NGEF: variants seen among roughly 807,000 people sequenced by gnomAD.
The protein encoded by NGEF is neuronal guanine nucleotide exchange factor, also known as ephexin-1.
Under a neutral mutation model 80.9 loss-of-function variants are expected in NGEF, and 31 were observed. The ratio of observed to expected loss-of-function variants is 0.38; its 90% CI spans 0.29 to 0.52. The LOEUF (loss-of-function observed/expected upper bound fraction) is 0.52. Ranked by LOEUF, NGEF falls within the 20% of genes least tolerant of loss-of-function variation. The pLI is 0.84. For missense variants in NGEF, 709 were observed against 926.2 expected, an observed-to-expected ratio of 0.77 and a Z score of 3.04; for synonymous variants, 371 against 370.2, an observed-to-expected ratio of 1.00 and a Z score of -0.03.
intron 1 of NGEF, among the ~76,000 whole-genome samples, chr2:233,001,345 G>A (rs1694974113): frequency 6.6e-6 from 1 of 152,208 alleles, no homozygotes; most frequent in Admixed American, 6.5e-5. Flanking sequence ...TCTCAAGTGT[G>A]CAGTGCTAGA....
In NGEF at chr2:232,917,527, C is replaced by T. The variant is rs1008170506; in HGVS notation, c.828+2757G>A. Among the ~76,000 whole-genome samples, 8 of 150,252 alleles carry T rather than the reference C, an allele frequency of 5.3e-5. No individual in the cohort carries two copies. In the East Asian group the frequency reaches 5.8e-4, roughly 11 times the overall value. On this transcript the variant is annotated intron_variant, in intron 5 of 14. Coordinates refer to ENST00000264051, the MANE Select transcript of NGEF (RefSeq NM_019850.3). The stretch of plus-strand genomic sequence containing the variant: ...CACTGTCGCCTGGGCTGGAGTGCAA[C>T]GGTGAGATCTTGGCTTACTGAAACC...
In NGEF at chr2:232,968,792, T is replaced by G. The variant is rs550940769; in HGVS notation, c.383+1422A>C. The stretch of plus-strand genomic sequence containing the variant: ...TGACCCAGTTTTGGCTAATAAGATA[T>G]CAGCAGCAATGGTTGGGTGGGCTTC... On this transcript the variant is annotated intron_variant, in intron 3 of 14. Coordinates refer to ENST00000264051, the MANE Select transcript of NGEF (RefSeq NM_019850.3). Among the ~76,000 whole-genome samples, 11 of 152,332 alleles carry G rather than the reference T, an allele frequency of 7.2e-5. No individual in the cohort carries two copies. In the East Asian group the frequency reaches 2.1e-3, roughly 29 times the overall value.
chr2:232,998,549 G>T (rs1432769359), intron 1 of NGEF, among the ~76,000 whole-genome samples: 1 of 152,166 alleles, frequency 6.6e-6, no homozygotes, highest in African/African-American at 2.4e-5. Context: ...TCACCAGCCG[G>T]CTCATGCCAT....
chr2:232,993,954 G>T (rs987733148), intron 1 of NGEF, among the ~76,000 whole-genome samples: 2 of 152,160 alleles, frequency 1.3e-5, no homozygotes, highest in Non-Finnish European at 2.9e-5. Context: ...AAATGGGGAT[G>T]GGATTTCTTT....
chr2:232,945,956 A>G (rs1182638058), intron 3 of NGEF, among the ~76,000 whole-genome samples: 1 of 152,012 alleles, frequency 6.6e-6, no homozygotes, highest in Non-Finnish European at 1.5e-5. Flanking sequence ...TCGCAATTGG[A>G]AAAAACTCAA....
At chr2:232,906,424 A>G (rs58067151) in intron 5 of NGEF, among the ~76,000 whole-genome samples, 27,390 of 37,120 alleles carry the variant, frequency 0.74, 10,845 homozygotes, top group African/African-American at 0.77. Context: ...CCGGTCAGCC[A>G]CCCCGTCTGG....
Position 232,879,436 on chromosome 2 carries a change from C to CCCCGCGG in NGEF, c.*52_*53insCCGCGGG. On this transcript the variant is annotated 3_prime_UTR_variant, in exon 15 of 15. Coordinates refer to ENST00000264051, the MANE Select transcript of NGEF (RefSeq NM_019850.3). ...CTTCCCAGAGCCCCCCCCCCCCCAC[C>CCCCGCGG]TTCTGTCGGGGTCTCATGCAGGCCC... The CCCCGCGG allele has an allele frequency of 6.8e-7, 1 of 1,460,014 alleles. No individual in the cohort carries two copies. The highest frequency in any genetic ancestry group is 9.3e-7 in the Non-Finnish European group (1 of 1,070,194). The allele number at this position is 1,460,014 out of a possible 1,614,324, so 90.4% of individuals were successfully genotyped here. A position where few individuals can be genotyped will look rare whatever the true frequency, so the allele number is the denominator to read the frequency against.
chr2:233,011,541 A>G lies in NGEF; in HGVS notation c.-75+1527T>C, dbSNP rs192952819. 3.3e-5 allele frequency among the ~76,000 whole-genome samples: 5 copies of G among 151,252 alleles called. No homozygotes were observed. The East Asian group carries it at 9.8e-4, about 30-fold the overall frequency. The stretch of plus-strand genomic sequence containing the variant: ...ACATCTGGGCTATTTTGTTACTGGT[A>G]CAAGCTTCCGGTCTCCCACAGGCCA... On this transcript the variant is annotated intron_variant, in intron 1 of 14. Coordinates refer to ENST00000264051, the MANE Select transcript of NGEF (RefSeq NM_019850.3).
chr2:232,899,177 G>T (rs560705454), intron 5 of NGEF, among the ~76,000 whole-genome samples: 1 of 151,986 alleles, frequency 6.6e-6, no homozygotes, highest in Admixed American at 6.6e-5. Context: ...GTGTATGAAG[G>T]TGAGTGTGAA....
intron 1 of NGEF, among the ~76,000 whole-genome samples, chr2:232,995,685 A>G (rs1186756225): frequency 1.6e-5 from 2 of 126,320 alleles, no homozygotes; most frequent in African/African-American, 5.6e-5. Flanking sequence ...TATTATATAT[A>G]TTATAGTGTA....
intron 3 of NGEF, among the ~76,000 whole-genome samples, chr2:232,969,089 C>T (rs76781124): frequency 0.013 from 2,002 of 152,252 alleles, 45 homozygotes; most frequent in African/African-American, 0.045. Flanking sequence ...CAGCTGAATT[C>T]GGTACTGACT....
At chr2:232,987,965 AG>A (rs1287421181) in intron 1 of NGEF, among the ~76,000 whole-genome samples, 7 of 151,562 alleles carry the variant, frequency 4.6e-5, no homozygotes, top group Non-Finnish European at 8.8e-5. Context: ...AAGCTGGAGA[AG>A]GGATTGCAAG....
At chr2:232,966,481 G>A (rs1429075159) in intron 3 of NGEF, among the ~76,000 whole-genome samples, 4 of 152,090 alleles carry the variant, frequency 2.6e-5, no homozygotes, top group Non-Finnish European at 5.9e-5. Flanking sequence ...AGCGCTAGAT[G>A]TTTCCGGGTG....
intron 3 of NGEF, among the ~76,000 whole-genome samples, chr2:232,966,840 T>TACTC (rs1485792465): frequency 6.6e-6 from 1 of 151,988 alleles, no homozygotes; most frequent in Non-Finnish European, 1.5e-5. Context: ...CTTCTGTTGA[T>TACTC]ACCCTCCAGT....
intron 1 of NGEF, among the ~76,000 whole-genome samples, chr2:233,003,824 A>T (rs2106344925): frequency 6.6e-6 from 1 of 152,256 alleles, no homozygotes; most frequent in East Asian, 1.9e-4. Context: ...GATGTTCCAG[A>T]ACTTGGCACA....
chr2:232,919,878 C>T (rs1025774666), intron 5 of NGEF, among the ~76,000 whole-genome samples: 2 of 152,150 alleles, frequency 1.3e-5, no homozygotes, highest in African/African-American at 2.4e-5. Context: ...GGGATAAGAT[C>T]GTGAATGCAA....
chr2:232,928,737 G>T (rs1693152452), intron 3 of NGEF, among the ~76,000 whole-genome samples: 1 of 152,230 alleles, frequency 6.6e-6, no homozygotes, highest in Non-Finnish European at 1.5e-5. Flanking sequence ...GCCACGCTCA[G>T]CTACGCACGA....
At chr2:232,894,160 T>C (rs1691981143) in intron 6 of NGEF, among the ~76,000 whole-genome samples, 1 of 152,240 alleles carries the variant, frequency 6.6e-6, no homozygotes, top group Non-Finnish European at 1.5e-5. Context: ...ATTTGGTTCC[T>C]TTCCTTTTCA....
chr2:232,923,073 A>G (rs1011790342), intron 4 of NGEF, among the ~76,000 whole-genome samples: 7 of 86,058 alleles, frequency 8.1e-5, no homozygotes, highest in Admixed American at 7.1e-4. Context: ...TCCATCTCAG[A>G]AAAAAAAACA....
Sources: gnomAD v4.1 joint callset for allele counts (sites outside exome capture counted in the v4.1 genomes callset) on GRCh38, gnomAD v4.1.1 for gene constraint, MANE v1.5 for transcripts, NCBI Gene and HGNC (gene_info 2026-07-23, HGNC 2026-07-21) for gene names.